The following AP1B1 variants were observed in gnomAD, a reference collection of about 807,000 sequenced individuals.
The protein encoded by AP1B1 is AP-1 complex subunit beta-1.
A neutral mutation model predicts 104.3 loss-of-function variants in AP1B1; 36 were observed. The ratio of observed to expected loss-of-function variants is 0.35; its 90% CI spans 0.26 to 0.46. The LOEUF is 0.46. Ranked by LOEUF, AP1B1 falls within the 20% of genes least tolerant of loss-of-function variation. The pLI is 1.00. For synonymous variants in AP1B1, 504 were observed against 517.5 expected, an observed-to-expected ratio of 0.97 and a Z score of 0.35; for missense variants, 901 against 1,247.9, an observed-to-expected ratio of 0.72 and a Z score of 4.19.
intron 1 of AP1B1, among the ~76,000 whole-genome samples, chr22:29,381,413 G>A (rs1055978401): frequency 1.3e-5 from 2 of 152,124 alleles, no homozygotes; most frequent in African/African-American, 4.8e-5. Flanking sequence ...CTCCTAGGCT[G>A]GTACCTGGCA....
rs371840397 is a variant in AP1B1 at position 29,349,287 on chromosome 22, C to T, written c.1368G>A (p.Ala456=). ...AAMIWIVGEY[A]ERIDNADELL... The stretch of plus-strand genomic sequence containing the variant: ...GCTCATCTGCGTTGTCGATCCGTTC[C>T]GCGTACTCGCCCACAATCCAGATCA... The change falls in exon 11 of 23, where the codon GCG becomes GCA. Residue 456 remains alanine, a synonymous_variant. Transcript: ENST00000357586. 9.3e-6 allele frequency: 15 copies of T among 1,613,994 alleles called. No homozygotes were observed. Among genetic ancestry groups the T allele is most frequent in the Middle Eastern group, 1.6e-4 (1 of 6,084 alleles).
chr22:29,366,778 G>A (rs540700793), intron 2 of AP1B1, among the ~76,000 whole-genome samples: 1 of 151,352 alleles, frequency 6.6e-6, no homozygotes, highest in Admixed American at 6.6e-5. Flanking sequence ...CAGCCTGGGT[G>A]ACATGAGTGA....
chr22:29,329,991 C>T, intron 21 of AP1B1: 7 of 1,414,560 alleles, frequency 4.9e-6, no homozygotes, highest in Non-Finnish European at 6.4e-6. Context: ...ACAGGTCTAC[C>T]TCAAAGGCTG....
intron 1 of AP1B1, among the ~76,000 whole-genome samples, chr22:29,369,404 G>C (rs1487200863): frequency 6.6e-6 from 1 of 152,114 alleles, no homozygotes; most frequent in African/African-American, 2.4e-5. Flanking sequence ...AGGAATAAAG[G>C]AATAAAGGCT....
chr22:29,351,156 G>T lies in AP1B1; in HGVS notation c.1155+15C>A. 1.2e-6 allele frequency: 2 copies of T among 1,602,762 alleles called. No homozygotes were observed. Among genetic ancestry groups the T allele is most frequent in the Non-Finnish European group, 1.7e-6 (2 of 1,171,168 alleles). On this transcript the variant is annotated intron_variant, in intron 9 of 22. Transcript: ENST00000357586. ...TTTTCCTTCTCCAGCCAAGGACAGA[G>T]TCCCAGAGCCTCACCTCCACCTTGA...
At chr22:29,341,405 C>A (rs1171522051) in intron 13 of AP1B1, 96 bp downstream of exon 13, 19 of 1,490,906 alleles carry the variant, frequency 1.3e-5, no homozygotes, top group Non-Finnish European at 1.6e-5. Flanking sequence ...AGACTCAGGT[C>A]TTGCTGGGGG....
At position 29,356,570 on chromosome 22, in the gene AP1B1, TGA is replaced by T; in HGVS notation, c.570_571del (p.His191ProfsTer22). On this transcript the variant is annotated frameshift_variant, in exon 6 of 23. Coordinates refer to ENST00000357586, the MANE Select transcript of AP1B1 (RefSeq NM_001127.4). LOFTEE classifies it high-confidence loss of function. ...CAGATCGAGCAGGTTGCTGCTGGGG[TGA>T]GACTCGGCAATTTCTGAGAGCGCTG... The T allele has an allele frequency of 6.2e-7, 1 of 1,613,982 alleles. No homozygotes were observed.
chr22:29,338,262 A>T (rs1383549653), intron 16 of AP1B1, among the ~76,000 whole-genome samples: 1 of 152,212 alleles, frequency 6.6e-6, no homozygotes, highest in Non-Finnish European at 1.5e-5. Context: ...AAATCGAGGG[A>T]AGCCTGTTCT....
At chr22:29,331,558 A>T in intron 18 of AP1B1, 25 bp from the exon 19 acceptor site, 1 of 1,613,688 alleles carries the variant, frequency 6.2e-7, no homozygotes, top group Middle Eastern at 1.7e-4. Flanking sequence ...GTCCCCAGTC[A>T]GTCTCTGGGG....
chr22:29,362,529 TAG>T (rs1444287676), intron 3 of AP1B1, among the ~76,000 whole-genome samples: 1 of 152,028 alleles, frequency 6.6e-6, no homozygotes, highest in Non-Finnish European at 1.5e-5. Flanking sequence ...GTATTTTTAG[TAG>T]AGACAGGATA....
rs548760885 is a variant in AP1B1, at chr22:29,347,956, C to T, written c.1437+1262G>A. ...ACAAGACTGGACACCTAAATACCCACCAGGAGAGGATGGTTAAATAAAGCA... is the reference window on the plus strand; with the variant it reads ...ACAAGACTGGACACCTAAATACCCATCAGGAGAGGATGGTTAAATAAAGCA... On this transcript the variant is annotated intron_variant, in intron 11 of 22. Coordinates refer to ENST00000357586, the MANE Select transcript of AP1B1 (RefSeq NM_001127.4). 2.0e-5 allele frequency among the ~76,000 whole-genome samples: 3 copies of T among 152,332 alleles called. No homozygotes were observed. The East Asian group carries it at 5.8e-4, about 29-fold the overall frequency.
intron 1 of AP1B1, among the ~76,000 whole-genome samples, chr22:29,388,193 C>G (rs1202409760): frequency 1.3e-5 from 2 of 152,068 alleles, no homozygotes; most frequent in African/African-American, 2.4e-5. Flanking sequence ...GGCGGAAGCC[C>G]CAGGAGGTGC....
At position 29,339,029 on chromosome 22, in the gene AP1B1, G is replaced by A. The variant is rs745811408; in HGVS notation, c.2124C>T (p.Gly708=). The change falls in exon 16 of 23, where the codon GGC becomes GGT. Residue 708 remains glycine (G), a synonymous_variant. Transcript: ENST00000357586. ...GLSDLFDLTS[G]VGTLSGSYVA... is the part of the protein sequence containing the mutation. ...CATATGATCCTGACAGGGTGCCCACGCCACTGGTCAGGTCAAAGAGGTCAC... is the reference window on the plus strand; with the variant it reads ...CATATGATCCTGACAGGGTGCCCACACCACTGGTCAGGTCAAAGAGGTCAC... The A allele has an allele frequency of 6.8e-6, 11 of 1,614,058 alleles. No homozygotes were observed. Among genetic ancestry groups the A allele is most frequent in the African/African-American group, 1.3e-5 (1 of 74,936 alleles).
rs2061559859 is a variant in AP1B1, at chr22:29,331,636, G to A, written c.2440-103C>T. ...AGATTCTCTCCCAGGGCCTTCCCTG[G>A]TAAACACACCCCTTCGTTCCCCAAC... On this transcript the variant is annotated intron_variant, in intron 18 of 22. Transcript: ENST00000357586. 1.9e-6 allele frequency: 3 copies of A among 1,575,260 alleles called. No individual in the cohort carries two copies. The East Asian group carries it at 6.7e-5, about 35-fold the overall frequency.
Position 29,328,615 on chromosome 22 carries a change from G to C in AP1B1, c.*206C>G. On this transcript the variant is annotated 3_prime_UTR_variant, in exon 23 of 23. Coordinates refer to ENST00000357586, the MANE Select transcript of AP1B1 (RefSeq NM_001127.4). This position sits in a 1 kb window ranked among gnomAD's most constrained non-coding sequence, Gnocchi z 4.1. Reference sequence around the variant, plus strand: ...CAGCCACAGGAGCAGGGGTGTCCCAGAGCACGGGAGTGCACTGCGCTCTCA... The same window carrying C: ...CAGCCACAGGAGCAGGGGTGTCCCACAGCACGGGAGTGCACTGCGCTCTCA... 1.7e-6 allele frequency: 1 copy of C among 589,834 alleles called. No homozygotes were observed. The highest frequency in any genetic ancestry group is 3.0e-6 in the Non-Finnish European group (1 of 338,552). The allele number at this position is 589,834 out of a possible 1,614,324, so 36.5% of individuals were successfully genotyped here. A position where few individuals can be genotyped will look rare whatever the true frequency, so the allele number is the denominator to read the frequency against.
intron 11 of AP1B1, 114 bp downstream of exon 11, chr22:29,349,100 ATCTG>A (rs1422006993): frequency 3.3e-6 from 4 of 1,227,416 alleles, no homozygotes; most frequent in South Asian, 1.4e-5. Context: ...CACATCACTC[ATCTG>A]TCTGTCAGGG....
intron 17 of AP1B1, among the ~76,000 whole-genome samples, chr22:29,332,885 C>T (rs1602686455): frequency 6.6e-6 from 1 of 152,142 alleles, no homozygotes; most frequent in Non-Finnish European, 1.5e-5. Context: ...TCCAAGGAGC[C>T]CAGGTGTCAT....
rs568220342 is a variant in AP1B1 at position 29,357,182 on chromosome 22, G to T, written c.526-566C>A. 4.6e-5 allele frequency among the ~76,000 whole-genome samples: 7 copies of T among 152,012 alleles called. No homozygotes were observed. The East Asian group carries it at 9.7e-4, about 21-fold the overall frequency. On this transcript the variant is annotated intron_variant, in intron 5 of 22. Coordinates refer to ENST00000357586, the MANE Select transcript of AP1B1 (RefSeq NM_001127.4). ...GGGTTCAAGTGATTCTCATGCCTCAGCCTCCCGAGTAGCTGGGACTGATTA... is the reference window on the plus strand; with the variant it reads ...GGGTTCAAGTGATTCTCATGCCTCATCCTCCCGAGTAGCTGGGACTGATTA...
intron 1 of AP1B1, among the ~76,000 whole-genome samples, chr22:29,378,624 C>T (rs2062385900): frequency 6.7e-6 from 1 of 148,932 alleles, no homozygotes; most frequent in South Asian, 2.1e-4. Flanking sequence ...CTTTGGGAGG[C>T]CGAGGCGGGC....
Sources: gnomAD v4.1 joint callset for allele counts (sites outside exome capture counted in the v4.1 genomes callset) on GRCh38, gnomAD v4.1.1 for gene constraint, Gnocchi (gnomAD v3.1) non-coding constraint, MANE v1.5 for transcripts, NCBI Gene and HGNC (gene_info 2026-07-23, HGNC 2026-07-21) for gene names.